Variants in SLC12A7 observed in about 807,000 individuals in gnomAD.
The protein encoded by SLC12A7 is K-Cl cotransporter 4.
In SLC12A7, 100 loss-of-function variants were observed where a neutral mutation model predicts 120.6. That is an observed-to-expected ratio of 0.83 (90% CI 0.71 to 0.98). The LOEUF (loss-of-function observed/expected upper bound fraction) is 0.98. Among genes scored for constraint, SLC12A7 ranks in the 50% least tolerant of loss-of-function variants. SLC12A7 has a pLI of 0.00. For missense variants in SLC12A7, 1,373 were observed against 1,548.1 expected (o/e 0.89, Z 1.90); for synonymous variants, 760 against 678.0 (o/e 1.12, Z -1.88).
the SLC12A7 span, among the ~76,000 whole-genome samples, chr5:1,144,100 A>G: frequency 2.0e-5 from 3 of 152,170 alleles, no homozygotes; most frequent in Non-Finnish European, 4.4e-5. Context: ...ACACCCGCCA[A>G]CCTCAGAGAG....
At position 1,073,770 on chromosome 5, in the gene SLC12A7, C is replaced by A. The variant is rs748476541; in HGVS notation, c.2104G>T (p.Ala702Ser). The A allele has an allele frequency of 1.4e-6, 2 of 1,480,472 alleles. No homozygotes were observed. Among genetic ancestry groups the A allele is most frequent in the African/African-American group, 1.4e-5 (1 of 69,274 alleles). The allele number at this position is 1,480,472 out of a possible 1,614,324, so 91.7% of individuals were successfully genotyped here. ...PQVLVMLNLDAEQAVKHPRLL... is the reference protein window; with the variant it reads ...PQVLVMLNLDSEQAVKHPRLL... ...CGGGGGTGCTTCACGGCCTGCTCCG[C>A]GTCCAGGTTCAGCATCACCAGCACC... The change falls in exon 17 of 24, where the codon GCG becomes TCG. Residue 702 changes from alanine to serine, a missense_variant. Physicochemically the swap from Ala to Ser is moderately conservative, Grantham distance 99. Transcript: ENST00000264930.
chr5:1,052,563 A>C, intron 23 of SLC12A7, 112 bp from the exon 24 acceptor site: 1 of 878,932 alleles, frequency 1.1e-6, no homozygotes, highest in Non-Finnish European at 1.8e-6. Context: ...TGGTTTGAGA[A>C]ACCCAGAGCC....
chr5:1,064,956 G>GGTGAGGGGACA (rs1736847899), intron 18 of SLC12A7, among the ~76,000 whole-genome samples: 2 of 136,124 alleles, frequency 1.5e-5, no homozygotes, highest in Non-Finnish European at 3.2e-5. Flanking sequence ...GCGAAGAGAT[G>GGTGAGGGGACA]GTGAGGGGAC....
At chr5:1,077,324 G>A (rs746220999) in intron 12 of SLC12A7, among the ~76,000 whole-genome samples, 20 of 152,308 alleles carry the variant, frequency 1.3e-4, no homozygotes, top group Non-Finnish European at 2.4e-4. Context: ...TGCCATCCAC[G>A]ACCTTCCCAC....
At chr5:1,143,490 C>T in the SLC12A7 span, among the ~76,000 whole-genome samples, 15 of 152,188 alleles carry the variant, frequency 9.9e-5, no homozygotes, top group African/African-American at 3.6e-4. Flanking sequence ...AAGGACACGT[C>T]CTATTGGGTC....
intron 3 of SLC12A7, among the ~76,000 whole-genome samples, chr5:1,090,448 G>T (rs984411908): frequency 6.6e-6 from 1 of 152,194 alleles, no homozygotes; most frequent in Non-Finnish European, 1.5e-5. Flanking sequence ...GGGTGACGGG[G>T]CTGGGGGCCG....
At chr5:1,152,628 A>AGGGAGACCCCCAAGCTAGAGAC in the SLC12A7 span, among the ~76,000 whole-genome samples, 1 of 152,056 alleles carries the variant, frequency 6.6e-6, no homozygotes. Context: ...AAGCTAGAGA[A>AGGGAGACCCCCAAGCTAGAGAC]CGGAGACCCC....
At position 1,075,512 on chromosome 5, in the gene SLC12A7, C is replaced by T. The variant is rs368126910; in HGVS notation, c.1848-22G>A. 1.2e-3 allele frequency: 1,875 copies of T among 1,603,188 alleles called. 1 individual carries two copies. The highest frequency in any genetic ancestry group is 1.5e-3 in the Non-Finnish European group (1,705 of 1,173,438). ...GGTCCTGGGGGCGGGGCAAGTGGCTCGGGGCGGCCCAACGCCATGCAGCCC... is the reference window on the plus strand; with the variant it reads ...GGTCCTGGGGGCGGGGCAAGTGGCTTGGGGCGGCCCAACGCCATGCAGCCC... On this transcript the variant is annotated intron_variant, in intron 14 of 23. Transcript: ENST00000264930.
chr5:1,057,989 C>T (rs956984983), intron 21 of SLC12A7, among the ~76,000 whole-genome samples: 17 of 134,268 alleles, frequency 1.3e-4, no homozygotes, highest in Non-Finnish European at 2.7e-4. Context: ...CCCCAGACCA[C>T]CTGCTCGCCC....
At chr5:1,095,669 C>T (rs1015559599) in intron 1 of SLC12A7, among the ~76,000 whole-genome samples, 4 of 152,244 alleles carry the variant, frequency 2.6e-5, no homozygotes, top group Non-Finnish European at 5.9e-5. Flanking sequence ...CTGCACCAAA[C>T]AACCCCAGCT....
At chr5:1,057,789 C>T (rs73028807) in intron 21 of SLC12A7, 140 bp from the exon 22 acceptor site, 30,863 of 774,102 alleles carry the variant, frequency 0.04, 713 homozygotes, top group African/African-American at 0.065. Context: ...CCCAGCCTGG[C>T]GTCCCACACT....
At position 1,094,216 on chromosome 5, in the gene SLC12A7, G is replaced by C; in HGVS notation, c.157C>G (p.Leu53Val). The change falls in exon 2 of 24, where the codon CTC becomes GTC. Residue 53 changes from leucine (L) to valine (V), a missense_variant. Coordinates refer to ENST00000264930, the MANE Select transcript of SLC12A7 (RefSeq NM_006598.3). ...DGNPRENSPF[L>V]NNVEVEQESF... is the part of the protein sequence containing the mutation. ...TCTTGTTCCACCTCGACATTGTTGA[G>C]GAATGGGCTGTTTTCTCTTGGATTT... is the stretch of plus-strand genomic sequence containing the variant. The C allele has an allele frequency of 1.2e-6, 2 of 1,613,588 alleles. No homozygotes were observed. Among genetic ancestry groups the C allele is most frequent in the Non-Finnish European group, 1.7e-6 (2 of 1,179,798 alleles).
At chr5:1,087,560 G>A (rs1740007127) in intron 5 of SLC12A7, among the ~76,000 whole-genome samples, 2 of 152,238 alleles carry the variant, frequency 1.3e-5, no homozygotes, top group Non-Finnish European at 2.9e-5. Context: ...CGCGGCCATC[G>A]TGAAGCAGAG....
At chr5:1,060,313 C>G in intron 21 of SLC12A7, 31 bp downstream of exon 21, 1 of 1,530,636 alleles carries the variant, frequency 6.5e-7, no homozygotes, top group South Asian at 1.1e-5. Flanking sequence ...TCTCAGAAAG[C>G]CTGGTGTCTG....
At chr5:1,061,516 CGCCGCACCT>C (rs562594905) in intron 20 of SLC12A7, among the ~76,000 whole-genome samples, 3 of 128,286 alleles carry the variant, frequency 2.3e-5, no homozygotes, top group African/African-American at 9.4e-5. Context: ...CCGCCGCACC[CGCCGCACCT>C]GCCGCATCCG....
chr5:1,054,235 C>T (rs73026788), intron 22 of SLC12A7, among the ~76,000 whole-genome samples: 11,430 of 152,310 alleles, frequency 0.075, 1,076 homozygotes, highest in African/African-American at 0.21. Context: ...GTCCTCACAA[C>T]GCAGCTCTGC....
intron 20 of SLC12A7, among the ~76,000 whole-genome samples, chr5:1,062,474 T>G (rs1736396462): frequency 6.6e-6 from 1 of 152,164 alleles, no homozygotes; most frequent in African/African-American, 2.4e-5. Context: ...CCATCCAGCG[T>G]CACGCAGGCC....
chr5:1,115,374 G>A (rs540908226), upstream of SLC12A7, among the ~76,000 whole-genome samples: 19 of 152,234 alleles, frequency 1.2e-4, no homozygotes, highest in Non-Finnish European at 2.2e-4. Flanking sequence ...TCGTGCCCAC[G>A]GCTTGGAATC....
the SLC12A7 span, among the ~76,000 whole-genome samples, chr5:1,140,391 C>T: frequency 3.9e-5 from 6 of 152,172 alleles, no homozygotes; most frequent in East Asian, 3.9e-4. Context: ...CGGTTCTGTT[C>T]CCCCCCACCG....
Sources: allele counts gnomAD v4.1 joint callset (sites outside exome capture counted in the v4.1 genomes callset), GRCh38; gene constraint gnomAD v4.1.1; transcripts MANE v1.5; gene names NCBI Gene and HGNC (gene_info 2026-07-23, HGNC 2026-07-21).